EP400: variants seen among roughly 807,000 people sequenced by gnomAD.
EP400 encodes the protein E1A-binding protein p400.
In EP400, 105 loss-of-function variants were observed where a neutral mutation model predicts 354.1. That is an observed-to-expected ratio of 0.30 (90% confidence interval 0.25 to 0.35). The LOEUF (loss-of-function observed/expected upper bound fraction) is 0.35. EP400 is among the 10% of genes least tolerant of loss of function. The probability of loss-of-function intolerance (pLI) is 1.00; values close to 1 mark genes in which losing one functional copy is unlikely to be tolerated. For synonymous variants in EP400, 1,646 were observed against 1,716.9 expected, an observed-to-expected ratio of 0.96 and a Z score of 1.02; for missense variants, 3,280 against 4,121.0, an observed-to-expected ratio of 0.80 and a Z score of 5.59.
intron 5 of EP400, 64 bp downstream of exon 5, chr12:131,982,542 T>C: frequency 6.5e-7 from 1 of 1,527,016 alleles, no homozygotes; most frequent in East Asian, 2.3e-5. Context: ...ACCTGTGTGT[T>C]AGACAGAGTG....
intron 2 of EP400, among the ~76,000 whole-genome samples, chr12:131,974,608 G>A (rs1048435985): frequency 1.3e-5 from 2 of 151,954 alleles, no homozygotes; most frequent in African/African-American, 2.4e-5. Flanking sequence ...CTCCTAAATG[G>A]GCACCCAGAA....
intron 34 of EP400, 46 bp downstream of exon 34, chr12:132,043,774 T>G (rs756467173): frequency 6.6e-7 from 1 of 1,522,554 alleles, no homozygotes; most frequent in South Asian, 1.2e-5. Context: ...TGCAATATTT[T>G]CAGAGTTAAG....
Position 131,990,401 on chromosome 12 carries a change from A to G in EP400, c.2551-235A>G, listed in dbSNP as rs1892994596. On this transcript the variant is annotated intron_variant, in intron 8 of 52. Coordinates refer to ENST00000389561, the MANE Select transcript of EP400 (RefSeq NM_015409.5). This position sits in a 1 kb window ranked among gnomAD's most constrained non-coding sequence, Gnocchi z 4.2. ...GTGAGTCACCACCACGGTTACTTCTAGAGCGGTCGCTCGCTCACTTGCTTT... is the reference window on the plus strand; with the variant it reads ...GTGAGTCACCACCACGGTTACTTCTGGAGCGGTCGCTCGCTCACTTGCTTT... Among the ~76,000 whole-genome samples, 2 of 152,196 alleles carry G rather than the reference A, an allele frequency of 1.3e-5. No homozygotes were observed.
intron 51 of EP400, chr12:132,076,289 T>A: frequency 1.6e-6 from 1 of 632,828 alleles, no homozygotes; most frequent in Non-Finnish European, 2.9e-6. Context: ...AAAAATAAGC[T>A]TAAATGATGA....
At chr12:131,991,203 TGA>T (rs1893022277) in intron 9 of EP400, among the ~76,000 whole-genome samples, 1 of 152,178 alleles carries the variant, frequency 6.6e-6, no homozygotes, top group African/African-American at 2.4e-5. Context: ...AACCCGAGGC[TGA>T]GAGGTGGCTG....
intron 47 of EP400, among the ~76,000 whole-genome samples, chr12:132,064,085 G>GCCCCCCCGGCCT: frequency 1.6e-5 from 2 of 124,518 alleles, no homozygotes; most frequent in South Asian, 2.8e-4. Context: ...AACCACTGAT[G>GCCCCCCCGGCCT]ACCCCCCGGC....
chr12:132,000,734 A>G (rs2136516590), intron 12 of EP400, among the ~76,000 whole-genome samples: 1 of 152,250 alleles, frequency 6.6e-6, no homozygotes, highest in Non-Finnish European at 1.5e-5. Flanking sequence ...TATTTTATGA[A>G]TTCTCTTTTA....
intron 13 of EP400, among the ~76,000 whole-genome samples, chr12:132,005,542 G>T (rs1207642083): frequency 6.6e-6 from 1 of 152,194 alleles, no homozygotes; most frequent in Non-Finnish European, 1.5e-5. Context: ...TTTCTAAACA[G>T]ATGCACAGAG....
At chr12:132,019,529 C>T (rs1195305333) in intron 21 of EP400, among the ~76,000 whole-genome samples, 3 of 151,918 alleles carry the variant, frequency 2.0e-5, no homozygotes, top group African/African-American at 7.3e-5. Context: ...CATTGGGAGA[C>T]CCTGTCTCTC....
Position 132,035,313 on chromosome 12 carries a change from C to T in EP400, c.5952-2369C>T, listed in dbSNP as rs1158655739. ...GGGATTGCTATCTAAGGATGTGTGT[C>T]GCAGCTTTGTCACATGGCACAAAGC... On this transcript the variant is annotated intron_variant, in intron 30 of 52. Transcript: ENST00000389561. 7.9e-5 allele frequency among the ~76,000 whole-genome samples: 12 copies of T among 152,156 alleles called. No homozygotes were observed. The East Asian group carries it at 1.9e-3, about 24-fold the overall frequency.
chr12:132,006,417 T>C (rs924004867), intron 14 of EP400, 115 bp downstream of exon 14: 7 of 1,285,836 alleles, frequency 5.4e-6, no homozygotes, highest in Middle Eastern at 2.8e-4. Context: ...AACTGCAGAG[T>C]TGTCAGAAAA....
Position 131,990,532 on chromosome 12 carries a change from C to G in EP400, c.2551-104C>G. 1.2e-6 allele frequency: 1 copy of G among 852,212 alleles called. No individual in the cohort carries two copies. Among genetic ancestry groups the G allele is most frequent in the Admixed American group, 2.7e-5 (1 of 37,594 alleles). The allele number at this position is 852,212 out of a possible 1,614,324, so 52.8% of individuals were successfully genotyped here. A position where few individuals can be genotyped will look rare whatever the true frequency, so the allele number is the denominator to read the frequency against. On this transcript the variant is annotated intron_variant, in intron 8 of 52. Coordinates refer to ENST00000389561, the MANE Select transcript of EP400 (RefSeq NM_015409.5). This position sits in a 1 kb window ranked among gnomAD's most constrained non-coding sequence, Gnocchi z 4.2. ...GCACCAAACTGACGAGGCTGGAAAA[C>G]ACTGTTTTCAGACTCTGCTTATGTG...
intron 1 of EP400, among the ~76,000 whole-genome samples, chr12:131,957,770 A>G (rs1416609437): frequency 6.6e-6 from 1 of 151,782 alleles, no homozygotes; most frequent in Non-Finnish European, 1.5e-5. Flanking sequence ...TAATTTTTGT[A>G]TTTTTAGTAG....
chr12:132,038,022 G>A lies in EP400; in HGVS notation c.6133G>A (p.Glu2045Lys). Residue 2045 changes from glutamate (E) to lysine (K), a missense_variant, in exon 32 of 53, where the codon GAG (glutamate) becomes AAG (lysine). Physicochemically the swap from Glu to Lys is moderately conservative, Grantham distance 56 (BLOSUM62 1). Coordinates refer to ENST00000389561, the MANE Select transcript of EP400 (RefSeq NM_015409.5). This position sits in a 1 kb window ranked among gnomAD's most constrained non-coding sequence, Gnocchi z 4.2. Reference protein sequence around the residue: ...DDAGFPVKAEEFVVLSQEPSV... With the variant: ...DDAGFPVKAEKFVVLSQEPSV... ...TGCTGGCTTCCCGGTCAAAGCTGAG[G>A]AGTTTGTGGTGCTTTCTCAGGAACC... is the stretch of plus-strand genomic sequence containing the variant. The A allele has an allele frequency of 6.2e-7, 1 of 1,614,206 alleles. No homozygotes were observed. The highest frequency in any genetic ancestry group is 8.5e-7 in the Non-Finnish European group (1 of 1,180,026).
rs1240356457 is a variant in EP400 at position 131,961,140 on chromosome 12, G to A, written c.521G>A (p.Ser174Asn). The change falls in exon 2 of 53, where the codon AGC (serine) becomes AAC (asparagine). Residue 174 changes from serine to asparagine, a missense_variant. This residue lies in a region of EP400 where 172 missense variants were observed against 242.9 expected (regional missense o/e 0.71). Transcript: ENST00000389561. ...SSPTGGFVDA[S>N]VLVRQISLSP... The stretch of plus-strand genomic sequence containing the variant: ...CCTACAGGGGGCTTCGTGGATGCCA[G>A]CGTGCTGGTGAGGCAGATCAGCTTG... 2 of 1,610,756 alleles carry A rather than the reference G, an allele frequency of 1.2e-6. No homozygotes were observed. Among genetic ancestry groups the A allele is most frequent in the East Asian group, 2.2e-5 (1 of 44,712 alleles).
chr12:132,069,503 A>G lies in EP400; in HGVS notation c.8883A>G (p.Ala2961=). 2 of 1,614,162 alleles carry G rather than the reference A, an allele frequency of 1.2e-6. No homozygotes were observed. Among genetic ancestry groups the G allele is most frequent in the Non-Finnish European group, 1.7e-6 (2 of 1,179,992 alleles). ...GPAAVQQKIT[A]QQITTPGAQQ... ...TCGCAGTCTCTCCCCAGATCACCGCACAGCAGATCACCACCCCTGGCGCGC... is the reference window on the plus strand; with the variant it reads ...TCGCAGTCTCTCCCCAGATCACCGCGCAGCAGATCACCACCCCTGGCGCGC... The change falls in exon 51 of 53, where the codon GCA becomes GCG. Residue 2961 remains alanine (A), a synonymous_variant. Transcript: ENST00000389561.
rs758952293 is a variant in EP400, at chr12:132,025,781, G to A, written c.4991G>A (p.Ser1664Asn). Residue 1664 changes from serine (S) to asparagine (N), a missense_variant, in exon 25 of 53, where the codon AGC becomes AAC. Physicochemically the swap from Ser to Asn is conservative, Grantham distance 46. Coordinates refer to ENST00000389561, the MANE Select transcript of EP400 (RefSeq NM_015409.5). The surrounding 1 kb of genome is among the most constrained non-coding windows in gnomAD (Gnocchi z 4.1). ...LGSKPPAGGP[S>N]PAPLTPQVGV... Reference sequence around the variant, plus strand: ...AGCAAGCCCCCGGCCGGCGGTCCCAGCCCTGCACCCTTGACCCCACAAGGT... The same window carrying A: ...AGCAAGCCCCCGGCCGGCGGTCCCAACCCTGCACCCTTGACCCCACAAGGT... The A allele has an allele frequency of 2.5e-6, 4 of 1,609,384 alleles. No homozygotes were observed. Among genetic ancestry groups the A allele is most frequent in the Non-Finnish European group, 3.4e-6 (4 of 1,178,490 alleles).
chr12:132,013,088 G>C lies in EP400; in HGVS notation c.3521G>C (p.Arg1174Pro), dbSNP rs745482275. Residue 1174 changes from arginine (R) to proline (P), a missense_variant, in exon 17 of 53, where the codon CGA (arginine) becomes CCA (proline). Arg to Pro is a moderately radical substitution (Grantham distance 103). Around this residue, in one of 20 missense-constraint regions of EP400, gnomAD observed 242 missense variants for 357.9 expected, o/e 0.68. Coordinates refer to ENST00000389561, the MANE Select transcript of EP400 (RefSeq NM_015409.5). The surrounding 1 kb of genome is among the most constrained non-coding windows in gnomAD (Gnocchi z 4.5). Reference sequence around the variant, plus strand: ...TTCCGGGGCCTCACCGCCTTCACACGAGTGCGCTGGAAGTGCCTGGTCATT... The same window carrying C: ...TTCCGGGGCCTCACCGCCTTCACACCAGTGCGCTGGAAGTGCCTGGTCATT... ...QFFRGLTAFT[R>P]VRWKCLVIDE... is the part of the protein sequence containing the mutation. The C allele has an allele frequency of 1.2e-6, 2 of 1,614,088 alleles. No homozygotes were observed. The highest frequency in any genetic ancestry group is 1.7e-6 in the Non-Finnish European group (2 of 1,180,032).
chr12:132,029,546 G>T lies in EP400; in HGVS notation c.5382-155G>T. ...GATCTGCCTCGTTGGGCCCCTGCCC[G>T]TGTGCCAACACCCACATCCCCATGT... On this transcript the variant is annotated intron_variant, in intron 27 of 52. Transcript: ENST00000389561. The surrounding 1 kb of genome is among the most constrained non-coding windows in gnomAD (Gnocchi z 4.7). The T allele has an allele frequency of 1.3e-6, 1 of 784,522 alleles. No homozygotes were observed. The highest frequency in any genetic ancestry group is 1.8e-5 in the South Asian group (1 of 56,954). The allele number at this position is 784,522 out of a possible 1,614,324, so 48.6% of individuals were successfully genotyped here.
Sources: allele counts gnomAD v4.1 joint callset (sites outside exome capture counted in the v4.1 genomes callset), GRCh38; gene constraint gnomAD v4.1.1; regional missense constraint gnomAD v4.1.1; non-coding constraint Gnocchi (gnomAD v3.1); transcripts MANE v1.5; gene names NCBI Gene and HGNC (gene_info 2026-07-23, HGNC 2026-07-21).